Variants in RARS2 observed in about 807,000 individuals in gnomAD.
The protein encoded by RARS2 is arginyl-tRNA synthetase 2, mitochondrial.
Under a neutral mutation model 88.5 loss-of-function variants are expected in RARS2, and 67 were observed. The ratio of observed to expected loss-of-function variants is 0.76; its 90% confidence interval spans 0.62 to 0.93. The LOEUF (loss-of-function observed/expected upper bound fraction) is 0.93, where lower values mean the gene tolerates loss of function less well. Among genes scored for constraint, RARS2 ranks in the 40% least tolerant of loss-of-function variants. The probability of loss-of-function intolerance (pLI) is 0.00; values close to 1 mark genes in which losing one functional copy is unlikely to be tolerated. For missense variants in RARS2, 664 were observed against 684.2 expected (o/e 0.97, Z 0.33); for synonymous variants, 239 against 230.3 (o/e 1.04, Z -0.34).
intron 6 of RARS2, among the ~76,000 whole-genome samples, chr6:87,546,353 GTGTC>G (rs1180597063): frequency 6.6e-6 from 1 of 152,198 alleles, no homozygotes; most frequent in Admixed American, 6.5e-5. Context: ...ATCAGATACA[GTGTC>G]TGTAAGATTT....
At chr6:87,525,032 C>T (rs1582337537) in intron 10 of RARS2, among the ~76,000 whole-genome samples, 1 of 152,156 alleles carries the variant, frequency 6.6e-6, no homozygotes, top group African/African-American at 2.4e-5. Context: ...TAACATGCCA[C>T]AAAGTACCCA....
intron 17 of RARS2, among the ~76,000 whole-genome samples, chr6:87,517,696 G>A (rs1447011711): frequency 6.6e-6 from 1 of 152,154 alleles, no homozygotes; most frequent in Non-Finnish European, 1.5e-5. Flanking sequence ...GCCCGTCAGA[G>A]CTAAAATGTG....
At chr6:87,538,430 T>C (rs1346365967) in intron 8 of RARS2, among the ~76,000 whole-genome samples, 1 of 152,218 alleles carries the variant, frequency 6.6e-6, no homozygotes, top group Admixed American at 6.5e-5. Flanking sequence ...TAGATGTTGA[T>C]CTTCCACTAT....
At chr6:87,579,870 C>T (rs570863287) in intron 1 of RARS2, among the ~76,000 whole-genome samples, 1 of 151,604 alleles carries the variant, frequency 6.6e-6, no homozygotes, top group Non-Finnish European at 1.5e-5. Context: ...GGGACTACAG[C>T]CTCAGCCTGG....
At chr6:87,564,889 C>G (rs969299107) in intron 2 of RARS2, among the ~76,000 whole-genome samples, 3 of 151,692 alleles carry the variant, frequency 2.0e-5, no homozygotes, top group African/African-American at 7.3e-5. Context: ...AAAACCCCAT[C>G]TCTACTAAAA....
At chr6:87,556,263 C>A (rs1482559237) in intron 4 of RARS2, among the ~76,000 whole-genome samples, 1 of 152,064 alleles carries the variant, frequency 6.6e-6, no homozygotes, top group Non-Finnish European at 1.5e-5. Flanking sequence ...CTTTTGTTTA[C>A]TCATATTAGT....
intron 6 of RARS2, 142 bp downstream of exon 6, chr6:87,548,449 T>G (rs552618636): frequency 1.3e-6 from 1 of 758,380 alleles, no homozygotes; most frequent in Non-Finnish European, 2.1e-6. Flanking sequence ...GTCATCCATT[T>G]CCTGAATTGG....
intron 10 of RARS2, among the ~76,000 whole-genome samples, chr6:87,525,010 T>G (rs1200766235): frequency 6.6e-6 from 1 of 152,200 alleles, no homozygotes; most frequent in Non-Finnish European, 1.5e-5. Context: ...CATTCAATAT[T>G]GGGATAATTT....
At chr6:87,524,305 T>C (rs966488113) in intron 11 of RARS2, among the ~76,000 whole-genome samples, 2 of 152,218 alleles carry the variant, frequency 1.3e-5, no homozygotes, top group African/African-American at 4.8e-5. Flanking sequence ...TTCTGGTATT[T>C]ATGTGCATGT....
intron 17 of RARS2, among the ~76,000 whole-genome samples, chr6:87,517,231 T>A (rs1582248461): frequency 6.6e-6 from 1 of 152,064 alleles, no homozygotes; most frequent in Non-Finnish European, 1.5e-5. Flanking sequence ...TGAGCCGAGA[T>A]CCAGCCACTG....
intron 5 of RARS2, among the ~76,000 whole-genome samples, chr6:87,552,190 C>T (rs34006571): frequency 0.032 from 4,872 of 152,266 alleles, 106 homozygotes; most frequent in Middle Eastern, 0.054. Flanking sequence ...GAGAAAGTTT[C>T]TTGAGCACAG....
chr6:87,554,098 C>A (rs185035551), intron 5 of RARS2, among the ~76,000 whole-genome samples: 6 of 152,288 alleles, frequency 3.9e-5, no homozygotes, highest in Admixed American at 3.9e-4. Flanking sequence ...TTTTAAAAAT[C>A]TTCCACAGAC....
chr6:87,515,022 T>C lies in RARS2; in HGVS notation c.1587-2A>G, dbSNP rs145708671. On this transcript the variant is annotated splice_acceptor_variant, in intron 18 of 19. Coordinates refer to ENST00000369536, the MANE Select transcript of RARS2 (RefSeq NM_020320.5). LOFTEE classifies it high-confidence loss of function. ...TTGTGTGCCACAGCTGCAAGATGAC[T>C]GAAACAGGAAGAGAGAAATCACGAT... The C allele has an allele frequency of 1.2e-6, 2 of 1,611,086 alleles. No homozygotes were observed. The highest frequency in any genetic ancestry group is 1.7e-5 in the Admixed American group (1 of 60,020).
rs369796780 is a variant in RARS2, at chr6:87,557,993, T to G, written c.298-2488A>C. 6.6e-5 allele frequency among the ~76,000 whole-genome samples: 10 copies of G among 151,986 alleles called. No individual in the cohort carries two copies. The East Asian group carries it at 1.9e-3, about 29-fold the overall frequency. ...GAGTTCAAGACCAGCCTGACCAACA[T>G]GGTGAAACCCCATCTCTACTAAAAA... On this transcript the variant is annotated intron_variant, in intron 4 of 19. Transcript: ENST00000369536.
chr6:87,530,769 A>G lies in RARS2; in HGVS notation c.771+15T>C. 12 of 1,613,962 alleles carry G rather than the reference A, an allele frequency of 7.4e-6. No individual in the cohort carries two copies. Among genetic ancestry groups the G allele is most frequent in the Non-Finnish European group, 9.3e-6 (11 of 1,179,812 alleles). The stretch of plus-strand genomic sequence containing the variant: ...ACTGCATCATGGGAAAGCAGAAGGG[A>G]GGGTCAACCAATACCTTGTAAACCC... On this transcript the variant is annotated intron_variant, in intron 9 of 19. Transcript: ENST00000369536.
At chr6:87,514,579 A>G in intron 19 of RARS2, 80 bp from the exon 20 acceptor site, 1 of 1,237,868 alleles carries the variant, frequency 8.1e-7, no homozygotes, top group Non-Finnish European at 1.2e-6. Flanking sequence ...TTTAAAGGTT[A>G]TTCTTTCTAG....
intron 10 of RARS2, among the ~76,000 whole-genome samples, chr6:87,527,457 C>A (rs1218153651): frequency 6.6e-6 from 1 of 152,136 alleles, no homozygotes; most frequent in African/African-American, 2.4e-5. Flanking sequence ...AAGACCTGAG[C>A]TGTAAAACTA....
chr6:87,588,322 C>A (rs1231157372), intron 1 of RARS2, among the ~76,000 whole-genome samples: 2 of 152,170 alleles, frequency 1.3e-5, no homozygotes, highest in Non-Finnish European at 2.9e-5. Context: ...ATAACTTAAT[C>A]ATTCATTATA....
At chr6:87,581,777 GGT>G (rs1773545602) in intron 1 of RARS2, among the ~76,000 whole-genome samples, 2 of 151,948 alleles carry the variant, frequency 1.3e-5, no homozygotes, top group South Asian at 4.2e-4. Flanking sequence ...AACAAACGCT[GGT>G]GTGTGTTCTT....
Sources: gnomAD v4.1 joint callset for allele counts (sites outside exome capture counted in the v4.1 genomes callset) on GRCh38, gnomAD v4.1.1 for gene constraint, MANE v1.5 for transcripts, NCBI Gene and HGNC (gene_info 2026-07-23, HGNC 2026-07-21) for gene names.